Variants in LAMP3 observed in about 807,000 individuals in gnomAD.
The protein encoded by LAMP3 is lysosome-associated membrane glycoprotein 3.
LAMP3 carries 26 observed loss-of-function variants against 34.8 expected under a neutral mutation model. The observed-to-expected ratio is 0.75, with a 90% CI of 0.55 to 1.04. The LOEUF is 1.04. LAMP3 is among the 50% of genes least tolerant of loss of function. The pLI, the probability that LAMP3 is intolerant of heterozygous loss-of-function variation, is 0.00. For synonymous variants in LAMP3, 180 were observed against 201.9 expected (o/e 0.89, Z 0.92); for missense variants, 495 against 524.0 (o/e 0.94, Z 0.54).
At chr3:183,131,968 G>A (rs1236049671) in intron 5 of LAMP3, 1 of 985,262 alleles carries the variant, frequency 1.0e-6, no homozygotes, top group East Asian at 1.1e-4. Flanking sequence ...GGAAGTGAGT[G>A]ATCCTCCAGG....
intron 5 of LAMP3, among the ~76,000 whole-genome samples, chr3:183,133,203 A>T (rs186829866): frequency 8.5e-5 from 13 of 152,312 alleles, no homozygotes; most frequent in Non-Finnish European, 1.2e-4. Context: ...CCAAGAAATG[A>T]TAATTCAGTG....
At chr3:183,143,023 A>G (rs1371864917) in intron 3 of LAMP3, among the ~76,000 whole-genome samples, 1 of 152,224 alleles carries the variant, frequency 6.6e-6, no homozygotes, top group East Asian at 1.9e-4. Flanking sequence ...TTAAGGACAC[A>G]CAGGACAGAG....
At chr3:183,157,422 T>C (rs927509420) in intron 1 of LAMP3, among the ~76,000 whole-genome samples, 2 of 152,224 alleles carry the variant, frequency 1.3e-5, no homozygotes, top group African/African-American at 4.8e-5. Flanking sequence ...TTGAGTGTTG[T>C]TGAAGATTTA....
chr3:183,144,168 T>C (rs543152917), intron 3 of LAMP3, among the ~76,000 whole-genome samples: 1 of 152,344 alleles, frequency 6.6e-6, no homozygotes, highest in South Asian at 2.1e-4. Flanking sequence ...GTTCTGGACA[T>C]AGCAAAAGGA....
chr3:183,128,091 T>G (rs1257762034), intron 5 of LAMP3, among the ~76,000 whole-genome samples: 1 of 148,068 alleles, frequency 6.8e-6, no homozygotes, highest in African/African-American at 2.5e-5. Context: ...GAGCTTGCAA[T>G]GAGCCGAGAT....
Position 183,152,465 on chromosome 3 carries a change from G to T in LAMP3, c.798C>A (p.Asn266Lys), listed in dbSNP as rs116672488. Residue 266 changes from asparagine to lysine, a missense_variant, in exon 3 of 6, where the codon AAC (asparagine) becomes AAA (lysine). By Grantham distance (94) the Asn-to-Lys change is moderately conservative. Transcript: ENST00000265598. ...SPRRYFNIDPNATQASGNCGT... is the reference protein window; with the variant it reads ...SPRRYFNIDPKATQASGNCGT... The stretch of plus-strand genomic sequence containing the variant: ...CACAGTTCCCAGAGGCTTGCGTTGC[G>T]TTGGGGTCGATGTTGAAGTATCTCC... 6.2e-7 allele frequency: 1 copy of T among 1,612,772 alleles called. No homozygotes were observed. Among genetic ancestry groups the T allele is most frequent in the South Asian group, 1.1e-5 (1 of 90,928 alleles).
rs116799073 is a variant in LAMP3, at chr3:183,153,782, G to A, written c.659C>T (p.Pro220Leu). 122 of 1,578,890 alleles carry A rather than the reference G, an allele frequency of 7.7e-5. No homozygotes were observed. The highest frequency in any genetic ancestry group is 9.5e-5 in the Non-Finnish European group (110 of 1,162,944). ...ATAAATTCCAGTCTTGACTGACGAT[G>A]GCTGAGGTGCAAGGGTGGGCCCAGG... ...TVPGPTLAPQPSSVKTGIYQV... is the reference protein window; with the variant it reads ...TVPGPTLAPQLSSVKTGIYQV... Residue 220 changes from proline to leucine, a missense_variant, in exon 2 of 6, where the codon CCA becomes CTA. By Grantham distance (98) the Pro-to-Leu change is moderately conservative (BLOSUM62 -3). Coordinates refer to ENST00000265598, the MANE Select transcript of LAMP3 (RefSeq NM_014398.4).
intron 4 of LAMP3, 60 bp from the exon 5 acceptor site, chr3:183,135,947 G>A (rs1018147972): frequency 1.4e-5 from 20 of 1,393,888 alleles, no homozygotes; most frequent in African/African-American, 2.8e-5. Flanking sequence ...AGCTCCAGCT[G>A]TGGCCGGGCT....
At chr3:183,148,715 G>C (rs1001183180) in intron 3 of LAMP3, among the ~76,000 whole-genome samples, 1 of 152,302 alleles carries the variant, frequency 6.6e-6, no homozygotes, top group South Asian at 2.1e-4. Context: ...TGAGGATGTG[G>C]AGAAAAGGGA....
chr3:183,147,068 C>G (rs1042241540), intron 3 of LAMP3, among the ~76,000 whole-genome samples: 1 of 151,720 alleles, frequency 6.6e-6, no homozygotes, highest in Non-Finnish European at 1.5e-5. Flanking sequence ...ATGGTGAAAC[C>G]CCATCTCTAC....
upstream of LAMP3, among the ~76,000 whole-genome samples, chr3:183,163,421 G>C (rs1040596845): frequency 2.0e-5 from 3 of 151,668 alleles, no homozygotes; most frequent in African/African-American, 7.3e-5. Flanking sequence ...CTCCCGAGTA[G>C]CTGGGGTTAC....
intron 5 of LAMP3, among the ~76,000 whole-genome samples, chr3:183,125,660 A>G (rs574389138): frequency 6.6e-6 from 1 of 152,212 alleles, no homozygotes; most frequent in African/African-American, 2.4e-5. Flanking sequence ...AGTATCTTGT[A>G]TCTTGGGGCA....
At chr3:183,124,603 C>T (rs549377836) in intron 5 of LAMP3, among the ~76,000 whole-genome samples, 131 of 152,136 alleles carry the variant, frequency 8.6e-4, no homozygotes, top group Admixed American at 5.9e-4. Flanking sequence ...GAGGCCGAGG[C>T]GGGCGGATCA....
At chr3:183,162,772 C>A, upstream of LAMP3, 1 of 972,172 alleles carries the variant, frequency 1.0e-6, no homozygotes. Flanking sequence ...GAGAAGCAGC[C>A]GAAAAGCCCG....
At chr3:183,131,429 G>A (rs1190676440) in intron 5 of LAMP3, among the ~76,000 whole-genome samples, 2 of 152,186 alleles carry the variant, frequency 1.3e-5, no homozygotes, top group Non-Finnish European at 2.9e-5. Context: ...GGAGGAGGTG[G>A]AAGGAGATCA....
chr3:183,135,295 C>T (rs1455541637), intron 5 of LAMP3, among the ~76,000 whole-genome samples: 1 of 152,216 alleles, frequency 6.6e-6, no homozygotes. Flanking sequence ...CTGCATCTTG[C>T]TCTTTTCCCT....
Position 183,154,200 on chromosome 3 carries a change from C to T in LAMP3, c.241G>A (p.Val81Ile). 1 of 1,614,080 alleles carries T rather than the reference C, an allele frequency of 6.2e-7. No individual in the cohort carries two copies. Among genetic ancestry groups the T allele is most frequent in the Non-Finnish European group, 8.5e-7 (1 of 1,180,016 alleles). ...GHITFQTAAT[V>I]KIPTTTPATT... Reference sequence around the variant, plus strand: ...GCTGGGGTAGTTGTTGGAATTTTTACTGTGGCCGCTGTTTGAAAGGTGATA... The same window carrying T: ...GCTGGGGTAGTTGTTGGAATTTTTATTGTGGCCGCTGTTTGAAAGGTGATA... Residue 81 changes from valine (V) to isoleucine (I), a missense_variant, in exon 2 of 6, where the codon GTA (valine) becomes ATA (isoleucine). Physicochemically the swap from Val to Ile is conservative, Grantham distance 29 (BLOSUM62 3). Transcript: ENST00000265598.
chr3:183,141,132 T>C (rs1047458011), intron 3 of LAMP3, among the ~76,000 whole-genome samples: 2 of 152,190 alleles, frequency 1.3e-5, no homozygotes, highest in African/African-American at 4.8e-5. Flanking sequence ...GGTGTGTACA[T>C]GTTCTTATGT....
chr3:183,150,418 G>A (rs1720593565), intron 3 of LAMP3, among the ~76,000 whole-genome samples: 1 of 152,168 alleles, frequency 6.6e-6, no homozygotes, highest in Non-Finnish European at 1.5e-5. Flanking sequence ...GCCCTTGTGT[G>A]CCACAAATGC....
Sources: gnomAD v4.1 joint callset for allele counts (sites outside exome capture counted in the v4.1 genomes callset) on GRCh38, gnomAD v4.1.1 for gene constraint, MANE v1.5 for transcripts, NCBI Gene and HGNC (gene_info 2026-07-23, HGNC 2026-07-21) for gene names.